INO80D: variants seen among roughly 807,000 people sequenced by gnomAD.
INO80D encodes INO80 complex subunit D.
A neutral mutation model predicts 87.6 loss-of-function variants in INO80D; 21 were observed. That is an observed-to-expected ratio of 0.24 (90% CI 0.17 to 0.35). INO80D has a LOEUF of 0.35. INO80D is among the 10% of genes least tolerant of loss of function. The pLI is 1.00. For missense variants in INO80D, 982 were observed against 1,280.7 expected, an observed-to-expected ratio of 0.77 and a Z score of 3.56; for synonymous variants, 440 against 491.0, an observed-to-expected ratio of 0.90 and a Z score of 1.37.
At position 206,004,296 on chromosome 2, in the gene INO80D, G is replaced by T; in HGVS notation, c.*72C>A. The T allele has an allele frequency of 7.5e-7, 1 of 1,333,476 alleles. No individual in the cohort carries two copies. The highest frequency in any genetic ancestry group is 1.0e-6 in the Non-Finnish European group (1 of 961,230). The allele number at this position is 1,333,476 out of a possible 1,614,324, so 82.6% of individuals were successfully genotyped here. On this transcript the variant is annotated 3_prime_UTR_variant, in exon 11 of 11. Transcript: ENST00000403263. The surrounding 1 kb of genome is among the most constrained non-coding windows in gnomAD (Gnocchi z 4.9). ...TTATATCTTCTTTAGGAAAAGGGGA[G>T]AGGGGTGCTAAAGAGGAAACAAAGA... is the stretch of plus-strand genomic sequence containing the variant.
In INO80D at chr2:206,056,374, G is replaced by A. The variant is rs1252226088; in HGVS notation, c.788C>T (p.Pro263Leu). 1.2e-6 allele frequency: 2 copies of A among 1,613,932 alleles called. No individual in the cohort carries two copies. The highest frequency in any genetic ancestry group is 1.1e-5 in the South Asian group (1 of 91,072). Residue 263 changes from proline to leucine, a missense_variant, in exon 4 of 11, where the codon CCT (proline) becomes CTT (leucine). Coordinates refer to ENST00000403263, the MANE Select transcript of INO80D (RefSeq NM_017759.5). The part of the protein sequence containing the change: ...AQARQLSHKR[P>L]LPLLPSSRAP... ...CCTACTGGATGGCAGGAGGGGCAGA[G>A]GCCTCTTGTGAGACAACTGCCGTGC...
At position 206,010,993 on chromosome 2, in the gene INO80D, G is replaced by A. The variant is rs188480953; in HGVS notation, c.1543-1199C>T. On this transcript the variant is annotated intron_variant, in intron 8 of 10. Transcript: ENST00000403263. ...CTTGGGAGGCTGAGGCAACGGAATT[G>A]CTTGAACCCGGGAGGCAGAGGTTGC... Among the ~76,000 whole-genome samples, 46 of 151,158 alleles carry A rather than the reference G, an allele frequency of 3.0e-4. 1 individual carries two copies. The highest frequency in any genetic ancestry group is 8.6e-4 in the Admixed American group (13 of 15,080).
At chr2:206,057,515 G>T (rs745444036) in intron 3 of INO80D, among the ~76,000 whole-genome samples, 1 of 152,134 alleles carries the variant, frequency 6.6e-6, no homozygotes, top group Non-Finnish European at 1.5e-5. Flanking sequence ...ATAGCCAGAT[G>T]TAAGTACATG....
In INO80D at chr2:205,996,706, T is replaced by C. The variant is rs1436866796; in HGVS notation, c.*7662A>G. ...AACATAATACTTTTCAATCTTTCCATTGACAAGGCAAGTTCACATTCAGCA... is the reference window on the plus strand; with the variant it reads ...AACATAATACTTTTCAATCTTTCCACTGACAAGGCAAGTTCACATTCAGCA... On this transcript the variant is annotated 3_prime_UTR_variant, in exon 11 of 11. Coordinates refer to ENST00000403263, the MANE Select transcript of INO80D (RefSeq NM_017759.5). The C allele has an allele frequency of 6.6e-6, 1 of 152,096 alleles. No homozygotes were observed. Among genetic ancestry groups the C allele is most frequent in the Non-Finnish European group, 1.5e-5 (1 of 67,956 alleles). 9.4% of individuals were successfully genotyped at this position (152,096 alleles called of 1,614,324 possible).
At chr2:206,015,018 C>A (rs1559433928) in intron 8 of INO80D, among the ~76,000 whole-genome samples, 1 of 152,166 alleles carries the variant, frequency 6.6e-6, no homozygotes, top group Middle Eastern at 3.2e-3. Context: ...GCCCTAAAGA[C>A]TTATGGAACT....
Position 205,999,606 on chromosome 2 carries a change from A to G in INO80D, c.*4762T>C, listed in dbSNP as rs545680687. ...AAAACAGAATTTTTGCTATTTAGAA[A>G]TAAGGCTCCCTAAGTTTGACCCACA... On this transcript the variant is annotated 3_prime_UTR_variant, in exon 11 of 11. Coordinates refer to ENST00000403263, the MANE Select transcript of INO80D (RefSeq NM_017759.5). The G allele has an allele frequency of 6.6e-6, 1 of 152,332 alleles. No individual in the cohort carries two copies. The highest frequency in any genetic ancestry group is 1.9e-4 in the East Asian group (1 of 5,190). 9.4% of individuals were successfully genotyped at this position (152,332 alleles called of 1,614,324 possible). A position where few individuals can be genotyped will look rare whatever the true frequency, so the allele number is the denominator to read the frequency against.
intron 1 of INO80D, among the ~76,000 whole-genome samples, chr2:206,078,166 C>T (rs1395814834): frequency 6.6e-6 from 1 of 151,240 alleles, no homozygotes; most frequent in Non-Finnish European, 1.5e-5. Flanking sequence ...GCCTGTAATC[C>T]CAGCACTTTG....
intron 6 of INO80D, among the ~76,000 whole-genome samples, chr2:206,024,493 G>A (rs1043474917): frequency 2.6e-5 from 4 of 151,610 alleles, no homozygotes; most frequent in African/African-American, 9.7e-5. Flanking sequence ...AGGTGATTTG[G>A]GTGTAAGGGA....
intron 1 of INO80D, among the ~76,000 whole-genome samples, chr2:206,079,499 G>C (rs1690216191): frequency 6.6e-6 from 1 of 152,158 alleles, no homozygotes; most frequent in Non-Finnish European, 1.5e-5. Context: ...CCGTCTGTGA[G>C]GATGAGTCCC....
intron 5 of INO80D, among the ~76,000 whole-genome samples, chr2:206,042,659 C>T (rs946820837): frequency 1.4e-5 from 2 of 142,512 alleles, no homozygotes; most frequent in Admixed American, 7.4e-5. Flanking sequence ...CCAGCTTGTA[C>T]GACAGAGCGA....
rs1687793141 is a variant in INO80D, at chr2:205,995,527, T to A, written c.*8841A>T. On this transcript the variant is annotated 3_prime_UTR_variant, in exon 11 of 11. Transcript: ENST00000403263. ...CATTTAAAACTCATACATATACATG[T>A]GTATATACAGTTATATCAACACTAT... 1 of 152,340 alleles carries A rather than the reference T, an allele frequency of 6.6e-6. No individual in the cohort carries two copies. Among genetic ancestry groups the A allele is most frequent in the South Asian group, 2.1e-4 (1 of 4,824 alleles). 9.4% of individuals were successfully genotyped at this position (152,340 alleles called of 1,614,324 possible).
chr2:206,075,701 G>T (rs903033723), intron 1 of INO80D, among the ~76,000 whole-genome samples: 1 of 151,280 alleles, frequency 6.6e-6, no homozygotes, highest in Non-Finnish European at 1.5e-5. Context: ...GCCTCCCAAA[G>T]TGCTGGGATT....
chr2:206,083,900 A>G (rs1225531987), intron 1 of INO80D, among the ~76,000 whole-genome samples: 3 of 150,972 alleles, frequency 2.0e-5, no homozygotes, highest in Admixed American at 6.6e-5. Flanking sequence ...CAATTAAACG[A>G]TGCAAAATAA....
At position 205,994,887 on chromosome 2, in the gene INO80D, A is replaced by AGAAAG. The variant is rs1553612839; in HGVS notation, c.*9480_*9481insCTTTC. ...ACTTGGAACTCGCAAAAAAAAAAAA[A>AGAAAG]AAAGAAAGAAAGAAAGAAAGAAAAA... On this transcript the variant is annotated 3_prime_UTR_variant, in exon 11 of 11. Coordinates refer to ENST00000403263, the MANE Select transcript of INO80D (RefSeq NM_017759.5). 5 of 150,924 alleles carry AGAAAG rather than the reference A, an allele frequency of 3.3e-5. No individual in the cohort carries two copies. Among genetic ancestry groups the AGAAAG allele is most frequent in the African/African-American group, 9.8e-5 (4 of 40,760 alleles). The allele number at this position is 150,924 out of a possible 1,614,324, so 9.3% of individuals were successfully genotyped here.
chr2:206,013,335 T>C (rs531894036), intron 8 of INO80D, among the ~76,000 whole-genome samples: 4 of 151,876 alleles, frequency 2.6e-5, no homozygotes, highest in Admixed American at 6.6e-5. Context: ...GGGCGGATCA[T>C]GAGGTCAGGA....
rs117907033 is a variant in INO80D, at chr2:206,080,089, C to T, written c.-124+5812G>A. 4.2e-4 allele frequency among the ~76,000 whole-genome samples: 64 copies of T among 152,322 alleles called. No individual in the cohort carries two copies. In the East Asian group the frequency reaches 0.012, roughly 29 times the overall value. ...TTCACATTGGCATTGTAAATGTCAG[C>T]TTATTTTTCTTCTCCAATAGACTAA... On this transcript the variant is annotated intron_variant, in intron 1 of 10. Coordinates refer to ENST00000403263, the MANE Select transcript of INO80D (RefSeq NM_017759.5).
chr2:206,008,528 C>T (rs1183230904), intron 9 of INO80D, among the ~76,000 whole-genome samples: 1 of 152,122 alleles, frequency 6.6e-6, no homozygotes, highest in Non-Finnish European at 1.5e-5. Context: ...ATCCACCCAC[C>T]TCGGCCTCCC....
intron 1 of INO80D, among the ~76,000 whole-genome samples, chr2:206,067,897 C>T (rs1390775192): frequency 6.6e-6 from 1 of 152,006 alleles, no homozygotes; most frequent in African/African-American, 2.4e-5. Flanking sequence ...GTGCCGAGAT[C>T]GTGCCACTGC....
At chr2:206,012,036 A>T (rs1688189108) in intron 8 of INO80D, among the ~76,000 whole-genome samples, 1 of 152,238 alleles carries the variant, frequency 6.6e-6, no homozygotes. Context: ...GTGGTGGCTC[A>T]TGCCTATAAT....
Sources: allele counts gnomAD v4.1 joint callset (sites outside exome capture counted in the v4.1 genomes callset), GRCh38; gene constraint gnomAD v4.1.1; non-coding constraint Gnocchi (gnomAD v3.1); transcripts MANE v1.5; gene names NCBI Gene and HGNC (gene_info 2026-07-23, HGNC 2026-07-21).